Variants in CIB4 observed in about 807,000 individuals in gnomAD.
CIB4 encodes calcium and integrin-binding family member 4.
A neutral mutation model predicts 25.8 loss-of-function variants in CIB4; 25 were observed. That is an observed-to-expected ratio of 0.97 (90% confidence interval 0.71 to 1.35). The LOEUF is 1.35. Ranked by LOEUF, CIB4 falls within the 40% of genes most tolerant of loss-of-function variation. The pLI is 0.00. For missense variants in CIB4, 235 were observed against 228.2 expected (o/e 1.03, Z -0.19); for synonymous variants, 75 against 81.4 (o/e 0.92, Z 0.42).
intron 4 of CIB4, among the ~76,000 whole-genome samples, chr2:26,593,445 C>T (rs1148959): frequency 1.2e-4 from 18 of 152,238 alleles, no homozygotes; most frequent in African/African-American, 4.1e-4. Context: ...CTATATATAC[C>T]CACACATACA....
chr2:26,603,332 A>C (rs1248662518), intron 3 of CIB4, among the ~76,000 whole-genome samples: 2 of 152,210 alleles, frequency 1.3e-5, no homozygotes, highest in Non-Finnish European at 2.9e-5. Context: ...AGCCGAGCAA[A>C]GTTTGTATTG....
intron 3 of CIB4, among the ~76,000 whole-genome samples, chr2:26,598,205 C>A (rs1668716145): frequency 1.3e-5 from 2 of 151,426 alleles, no homozygotes; most frequent in East Asian, 1.9e-4. Flanking sequence ...GAGACTGAGG[C>A]AGGAGCATCA....
chr2:26,604,446 A>C (rs1448537646), intron 3 of CIB4, among the ~76,000 whole-genome samples: 1 of 152,130 alleles, frequency 6.6e-6, no homozygotes, highest in Non-Finnish European at 1.5e-5. Flanking sequence ...GGTAGAGAGG[A>C]ACAAAGATAA....
intron 6 of CIB4, 48 bp from the exon 7 acceptor site, chr2:26,581,441 G>GC: frequency 6.3e-7 from 1 of 1,593,954 alleles, no homozygotes; most frequent in Non-Finnish European, 8.6e-7. Context: ...GGTCCAAGGG[G>GC]CCCTCTGACT....
intron 3 of CIB4, chr2:26,605,583 G>C (rs1200841565): frequency 2.1e-6 from 1 of 470,440 alleles, no homozygotes; most frequent in African/African-American, 2.0e-5. Flanking sequence ...CCTAGTTCTG[G>C]GTCTGAACCA....
intron 3 of CIB4, among the ~76,000 whole-genome samples, chr2:26,610,916 A>C (rs1235030410): frequency 1.3e-5 from 2 of 151,884 alleles, no homozygotes; most frequent in Non-Finnish European, 2.9e-5. Flanking sequence ...CCTTCCCTGG[A>C]ATGTTTTCCA....
chr2:26,598,028 G>A (rs543118317), intron 3 of CIB4, among the ~76,000 whole-genome samples: 3 of 152,084 alleles, frequency 2.0e-5, no homozygotes, highest in African/African-American at 4.8e-5. Flanking sequence ...GGCCGGGCAC[G>A]GTGGCTCACG....
At chr2:26,584,204 G>A (rs1240222100) in intron 4 of CIB4, among the ~76,000 whole-genome samples, 2 of 152,164 alleles carry the variant, frequency 1.3e-5, no homozygotes, top group Non-Finnish European at 1.5e-5. Flanking sequence ...AAGAAACTGA[G>A]GCACAGAGGG....
chr2:26,640,506 G>A, intron 2 of CIB4, 27 bp downstream of exon 2: 1 of 1,611,764 alleles, frequency 6.2e-7, no homozygotes, highest in Non-Finnish European at 8.5e-7. Context: ...GCTGGGAGAA[G>A]GAAAGAGGGG....
rs568379468 is a variant in CIB4 at position 26,639,191 on chromosome 2, T to A, written c.89+1342A>T. On this transcript the variant is annotated intron_variant, in intron 2 of 6. Coordinates refer to ENST00000288861, the MANE Select transcript of CIB4 (RefSeq NM_001029881.3). ...CTTAGAACTTTTACACTATTTGAAT[T>A]TTCTTTTTTTTTTTTTAAATTATAT... Among the ~76,000 whole-genome samples the A allele has an allele frequency of 1.6e-3, 237 of 151,766 alleles. 1 individual carries two copies. Among genetic ancestry groups the A allele is most frequent in the African/African-American group, 5.4e-3 (223 of 41,190 alleles).
At chr2:26,597,755 T>A (rs1395168581) in intron 3 of CIB4, among the ~76,000 whole-genome samples, 1 of 152,102 alleles carries the variant, frequency 6.6e-6, no homozygotes, top group African/African-American at 2.4e-5. Flanking sequence ...CATTTTTTCA[T>A]ATTATTGCGG....
At chr2:26,635,242 C>T (rs922882017) in intron 2 of CIB4, among the ~76,000 whole-genome samples, 1 of 152,202 alleles carries the variant, frequency 6.6e-6, no homozygotes, top group East Asian at 1.9e-4. Context: ...GAGGGCCAAA[C>T]CAAAGCAGCC....
intron 3 of CIB4, among the ~76,000 whole-genome samples, chr2:26,604,051 A>C (rs1484208600): frequency 2.0e-5 from 3 of 151,492 alleles, no homozygotes; most frequent in African/African-American, 7.3e-5. Context: ...ACATCAATGC[A>C]CAGCATAATC....
chr2:26,608,547 C>A (rs896149961), intron 3 of CIB4, among the ~76,000 whole-genome samples: 2 of 152,144 alleles, frequency 1.3e-5, no homozygotes, highest in African/African-American at 2.4e-5. Context: ...ATGACCTGAT[C>A]GAACTCCCAG....
At chr2:26,626,897 A>G (rs1011166996) in intron 3 of CIB4, among the ~76,000 whole-genome samples, 8 of 152,162 alleles carry the variant, frequency 5.3e-5, no homozygotes, top group African/African-American at 1.9e-4. Flanking sequence ...AGCATAAAAG[A>G]TAGTGCAGAG....
chr2:26,582,647 G>A (rs1239682813), intron 6 of CIB4, among the ~76,000 whole-genome samples, 178 bp downstream of exon 6: 1 of 152,170 alleles, frequency 6.6e-6, no homozygotes, highest in Admixed American at 6.5e-5. Flanking sequence ...ATACCCCAGG[G>A]TTACCTAATT....
At chr2:26,621,648 T>C (rs1669207014) in intron 3 of CIB4, among the ~76,000 whole-genome samples, 1 of 152,210 alleles carries the variant, frequency 6.6e-6, no homozygotes, top group African/African-American at 2.4e-5. Flanking sequence ...ATCAGAAAGC[T>C]ACCAGAGGAT....
At chr2:26,594,851 T>C (rs1302184902) in intron 4 of CIB4, among the ~76,000 whole-genome samples, 2 of 152,178 alleles carry the variant, frequency 1.3e-5, no homozygotes, top group Non-Finnish European at 1.5e-5. Context: ...CAACGCTCCT[T>C]CTGCCAAATA....
chr2:26,615,896 T>G (rs1572560899), intron 3 of CIB4, among the ~76,000 whole-genome samples: 2 of 152,334 alleles, frequency 1.3e-5, no homozygotes, highest in South Asian at 2.1e-4. Flanking sequence ...GATGAAGTTG[T>G]CAGAAAAAGA....
Sources: allele counts gnomAD v4.1 joint callset (sites outside exome capture counted in the v4.1 genomes callset), GRCh38; gene constraint gnomAD v4.1.1; transcripts MANE v1.5; gene names NCBI Gene and HGNC (gene_info 2026-07-23, HGNC 2026-07-21).